GTF2H4: variants seen among roughly 807,000 people sequenced by gnomAD.
GTF2H4 encodes general transcription factor IIH subunit 4.
A neutral mutation model predicts 62.2 loss-of-function variants in GTF2H4; 49 were observed. The observed-to-expected ratio is 0.79, with a 90% confidence interval of 0.63 to 1.00. The LOEUF is 1.00. Ranked by LOEUF, GTF2H4 falls within the 50% of genes least tolerant of loss-of-function variation. GTF2H4 has a pLI of 0.00. For synonymous variants in GTF2H4, 189 were observed against 233.8 expected (o/e 0.81, Z 1.75); for missense variants, 479 against 587.8 (o/e 0.81, Z 1.91).
chr6:30,913,918 G>A lies in GTF2H4; in HGVS notation c.1324G>A (p.Val442Met). The change falls in exon 14 of 14, where the codon GTG becomes ATG. Residue 442 changes from valine to methionine, a missense_variant. Coordinates refer to ENST00000259895, the MANE Select transcript of GTF2H4 (RefSeq NM_001517.5). The surrounding 1 kb of genome is among the most constrained non-coding windows in gnomAD (Gnocchi z 4.2). The stretch of plus-strand genomic sequence containing the variant: ...CGAGAACTCGGCCAAGCGGCTCATG[G>A]TGGTGACCCCGGCCGGGCACAGCGA... ...VFENSAKRLM[V>M]VTPAGHSDVK... is the part of the protein sequence containing the mutation. 1 of 1,609,426 alleles carries A rather than the reference G, an allele frequency of 6.2e-7. No individual in the cohort carries two copies.
rs781109228 is a variant in GTF2H4 at position 30,910,816 on chromosome 6, T to C, written c.472-37T>C. The C allele has an allele frequency of 1.9e-6, 3 of 1,596,730 alleles. No homozygotes were observed. The East Asian group carries it at 6.7e-5, about 36-fold the overall frequency. On this transcript the variant is annotated intron_variant, in intron 5 of 13. Coordinates refer to ENST00000259895, the MANE Select transcript of GTF2H4 (RefSeq NM_001517.5). The surrounding 1 kb of genome is among the most constrained non-coding windows in gnomAD (Gnocchi z 4.7). ...CTTGTGCTTCTACTTCCCATGGCCC[T>C]TGGGGCATGGTCTCCCTGTTCTCTT...
Position 30,912,976 on chromosome 6 carries a change from G to T in GTF2H4, c.1090-134G>T. 1.3e-6 allele frequency: 1 copy of T among 783,792 alleles called. No individual in the cohort carries two copies. 48.6% of individuals were successfully genotyped at this position (783,792 alleles called of 1,614,324 possible). A position where few individuals can be genotyped will look rare whatever the true frequency, so the allele number is the denominator to read the frequency against. ...GCAACGTGGGATAACAGCTGAACTG[G>T]GATGGGTGGAGTTGATGACAGGAGT... On this transcript the variant is annotated intron_variant, in intron 11 of 13. Transcript: ENST00000259895. This position sits in a 1 kb window ranked among gnomAD's most constrained non-coding sequence, Gnocchi z 4.8.
In GTF2H4 at chr6:30,910,651, C is replaced by T. The variant is rs1470256425; in HGVS notation, c.375-14C>T. ...TGGCCAGGGTTCCTTACTCTTGGCC[C>T]ATCCTGGCCGTAGGGGGAAGGCCTG... On this transcript the variant is annotated splice_polypyrimidine_tract_variant and intron_variant, in intron 4 of 13. Transcript: ENST00000259895. This position sits in a 1 kb window ranked among gnomAD's most constrained non-coding sequence, Gnocchi z 4.7. The T allele has an allele frequency of 6.2e-7, 1 of 1,602,714 alleles. No individual in the cohort carries two copies. The highest frequency in any genetic ancestry group is 8.5e-7 in the Non-Finnish European group (1 of 1,170,866).
Position 30,910,155 on chromosome 6 carries a change from GC to G in GTF2H4, c.374+94del. On this transcript the variant is annotated intron_variant, in intron 4 of 13. Coordinates refer to ENST00000259895, the MANE Select transcript of GTF2H4 (RefSeq NM_001517.5). The surrounding 1 kb of genome is among the most constrained non-coding windows in gnomAD (Gnocchi z 4.7). ...ACTTTGGGAGGGGGAGCTCCTGGGG[GC>G]CTCCCCAGAACCTTGTGGTCTCCAC... 1 of 1,410,902 alleles carries G rather than the reference GC, an allele frequency of 7.1e-7. No individual in the cohort carries two copies. Among genetic ancestry groups the G allele is most frequent in the African/African-American group, 1.4e-5 (1 of 70,702 alleles). 87.4% of individuals were successfully genotyped at this position (1,410,902 alleles called of 1,614,324 possible).
rs1450126024 is a variant in GTF2H4, at chr6:30,912,223, C to T, written c.958+77C>T. The T allele has an allele frequency of 1.2e-6, 2 of 1,600,740 alleles. No homozygotes were observed. Among genetic ancestry groups the T allele is most frequent in the Non-Finnish European group, 1.7e-6 (2 of 1,172,090 alleles). The stretch of plus-strand genomic sequence containing the variant: ...CCAGTTTATGTTCGTGTTTACCTGG[C>T]AGTCTACAGAGCTCTCTGACATTTC... On this transcript the variant is annotated intron_variant, in intron 10 of 13. Transcript: ENST00000259895. This position sits in a 1 kb window ranked among gnomAD's most constrained non-coding sequence, Gnocchi z 4.8.
At position 30,912,599 on chromosome 6, in the gene GTF2H4, G is replaced by C. The variant is rs1793827986; in HGVS notation, c.1089+141G>C. The C allele has an allele frequency of 9.2e-7, 1 of 1,088,408 alleles. No individual in the cohort carries two copies. Among genetic ancestry groups the C allele is most frequent in the Non-Finnish European group, 1.3e-6 (1 of 761,892 alleles). 67.4% of individuals were successfully genotyped at this position (1,088,408 alleles called of 1,614,324 possible). On this transcript the variant is annotated intron_variant, in intron 11 of 13. Transcript: ENST00000259895. This position sits in a 1 kb window ranked among gnomAD's most constrained non-coding sequence, Gnocchi z 4.8. ...TGTCTGTGTTTGAAGAGAAATGAAG[G>C]CTTTGGGTGTGAGAATAGGTAGACC...
At position 30,910,384 on chromosome 6, in the gene GTF2H4, C is replaced by A. The variant is rs531882081; in HGVS notation, c.375-281C>A. Among the ~76,000 whole-genome samples the A allele has an allele frequency of 9.9e-5, 15 of 152,230 alleles. No individual in the cohort carries two copies. The South Asian group carries it at 3.1e-3, about 32-fold the overall frequency. ...TCACTCTGTCACCAAGGCCAGAGTGCAGTGGTGTAATCTTGACTCACGGCA... is the reference window on the plus strand; with the variant it reads ...TCACTCTGTCACCAAGGCCAGAGTGAAGTGGTGTAATCTTGACTCACGGCA... On this transcript the variant is annotated intron_variant, in intron 4 of 13. Transcript: ENST00000259895. This position sits in a 1 kb window ranked among gnomAD's most constrained non-coding sequence, Gnocchi z 4.7.
rs1204107818 is a variant in GTF2H4, at chr6:30,913,436, C to T, written c.1216+49C>T. ...TCTTGGTCATTGGCCAGAGAAAGGGCAGACAGTTCAGTCTGCATTTTATTT... is the reference window on the plus strand; with the variant it reads ...TCTTGGTCATTGGCCAGAGAAAGGGTAGACAGTTCAGTCTGCATTTTATTT... On this transcript the variant is annotated intron_variant, in intron 13 of 13. Transcript: ENST00000259895. This position sits in a 1 kb window ranked among gnomAD's most constrained non-coding sequence, Gnocchi z 4.2. The T allele has an allele frequency of 6.3e-7, 1 of 1,580,956 alleles. No homozygotes were observed. Among genetic ancestry groups the T allele is most frequent in the South Asian group, 1.1e-5 (1 of 88,448 alleles).
rs766134706 is a variant in GTF2H4, at chr6:30,912,003, A to C, written c.826-11A>C. 6.2e-7 allele frequency: 1 copy of C among 1,612,644 alleles called. No homozygotes were observed. Among genetic ancestry groups the C allele is most frequent in the Non-Finnish European group, 8.5e-7 (1 of 1,179,894 alleles). ...TCTGAGACAAGGCATCTGCCTTTCT[A>C]TTCTTTTCAGAGGAAATCTCGGCGT... On this transcript the variant is annotated splice_polypyrimidine_tract_variant and intron_variant, in intron 9 of 13. Transcript: ENST00000259895. The surrounding 1 kb of genome is among the most constrained non-coding windows in gnomAD (Gnocchi z 4.8).
rs1282340522 is a variant in GTF2H4, at chr6:30,909,349, A to G, written c.138-86A>G. On this transcript the variant is annotated intron_variant, in intron 2 of 13. Coordinates refer to ENST00000259895, the MANE Select transcript of GTF2H4 (RefSeq NM_001517.5). This position sits in a 1 kb window ranked among gnomAD's most constrained non-coding sequence, Gnocchi z 4.3. ...ACTGGTAAAGTTGTGCTGGAGTGAG[A>G]TGAGATGTTTGAGAGGTAATTGAGG... 4.9e-6 allele frequency: 6 copies of G among 1,231,246 alleles called. No homozygotes were observed. Among genetic ancestry groups the G allele is most frequent in the Non-Finnish European group, 7.1e-6 (6 of 850,688 alleles). 76.3% of individuals were successfully genotyped at this position (1,231,246 alleles called of 1,614,324 possible).
chr6:30,911,759 C>A lies in GTF2H4; in HGVS notation c.817C>A (p.Gln273Lys), dbSNP rs1249122565. The A allele has an allele frequency of 6.2e-7, 1 of 1,612,488 alleles. No homozygotes were observed. The highest frequency in any genetic ancestry group is 1.7e-5 in the Admixed American group (1 of 60,002). ...QHLREFGLVF[Q>K]RKRKSRRYYP... Reference sequence around the variant, plus strand: ...TCTGCGTGAGTTTGGGCTTGTTTTCCAGAGGAAGGTATGAGCGCCTAGATA... The same window carrying A: ...TCTGCGTGAGTTTGGGCTTGTTTTCAAGAGGAAGGTATGAGCGCCTAGATA... The change falls in exon 9 of 14, where the codon CAG becomes AAG. Residue 273 changes from glutamine (Q) to lysine (K), a missense_variant. Transcript: ENST00000259895. The surrounding 1 kb of genome is among the most constrained non-coding windows in gnomAD (Gnocchi z 4.3).
rs190234614 is a variant in GTF2H4, at chr6:30,910,486, C to T, written c.375-179C>T. 376 of 640,254 alleles carry T rather than the reference C, an allele frequency of 5.9e-4. 1 individual carries two copies. The East Asian group carries it at 7.5e-3, about 13-fold the overall frequency. 39.7% of individuals were successfully genotyped at this position (640,254 alleles called of 1,614,324 possible). A position where few individuals can be genotyped will look rare whatever the true frequency, so the allele number is the denominator to read the frequency against. ...CTGGGATTACAGGCACCCACCACGACGCCAGGCTAATTTTTTGTATTTTTA... is the reference window on the plus strand; with the variant it reads ...CTGGGATTACAGGCACCCACCACGATGCCAGGCTAATTTTTTGTATTTTTA... On this transcript the variant is annotated intron_variant, in intron 4 of 13. Coordinates refer to ENST00000259895, the MANE Select transcript of GTF2H4 (RefSeq NM_001517.5). The surrounding 1 kb of genome is among the most constrained non-coding windows in gnomAD (Gnocchi z 4.7).
Position 30,909,522 on chromosome 6 carries a change from A to G in GTF2H4, c.225A>G (p.Val75=). Residue 75 remains valine (V), a synonymous_variant, in exon 3 of 14, where the codon GTA becomes GTG. Transcript: ENST00000259895. The surrounding 1 kb of genome is among the most constrained non-coding windows in gnomAD (Gnocchi z 4.3). The part of the protein sequence containing the change: ...PLPQAAVALW[V]KKEFSKAQEE... ...CACAGGCTGCTGTAGCTCTGTGGGT[A>G]AAGAAGGAATTCAGCAAGTAAGTCT... 1 of 1,607,144 alleles carries G rather than the reference A, an allele frequency of 6.2e-7. No homozygotes were observed. Among genetic ancestry groups the G allele is most frequent in the Non-Finnish European group, 8.5e-7 (1 of 1,174,684 alleles).
At position 30,910,913 on chromosome 6, in the gene GTF2H4, C is replaced by G. The variant is rs758661064; in HGVS notation, c.532C>G (p.Leu178Val). 1 of 1,610,882 alleles carries G rather than the reference C, an allele frequency of 6.2e-7. No individual in the cohort carries two copies. Among genetic ancestry groups the G allele is most frequent in the South Asian group, 1.1e-5 (1 of 90,714 alleles). Residue 178 changes from leucine (L) to valine (V), a missense_variant, in exon 6 of 14, where the codon CTC becomes GTC. Transcript: ENST00000259895. The surrounding 1 kb of genome is among the most constrained non-coding windows in gnomAD (Gnocchi z 4.7). ...SAAVSQDLAQ[L>V]LSQAGLMKST... ...AGCTGTCAGCCAGGACTTGGCTCAGCTCCTCAGCCAGGCTGGGCTCATGAA... is the reference window on the plus strand; with the variant it reads ...AGCTGTCAGCCAGGACTTGGCTCAGGTCCTCAGCCAGGCTGGGCTCATGAA...
chr6:30,909,057 G>A lies in GTF2H4; in HGVS notation c.21G>A (p.Arg7=), dbSNP rs373085246. 12 of 1,614,034 alleles carry A rather than the reference G, an allele frequency of 7.4e-6. No homozygotes were observed. The African/African-American group carries it at 1.1e-4, about 14-fold the overall frequency. The change falls in exon 2 of 14, where the codon AGG becomes AGA. Residue 7 remains arginine (R), a synonymous_variant. Coordinates refer to ENST00000259895, the MANE Select transcript of GTF2H4 (RefSeq NM_001517.5). The surrounding 1 kb of genome is among the most constrained non-coding windows in gnomAD (Gnocchi z 4.3). ...AGGTGATGGAGAGCACCCCTTCAAG[G>A]GGACTGAACCGAGTACACCTACAAT... MESTPS[R]GLNRVHLQCR...
chr6:30,910,579 T>C lies in GTF2H4; in HGVS notation c.375-86T>C, dbSNP rs1316244142. On this transcript the variant is annotated intron_variant, in intron 4 of 13. Transcript: ENST00000259895. This position sits in a 1 kb window ranked among gnomAD's most constrained non-coding sequence, Gnocchi z 4.7. ...CTCCTGACCTCAAGTGATCCGCCCA[T>C]CTCGGCCTCCCAAAGTACAGGGATT... is the stretch of plus-strand genomic sequence containing the variant. The C allele has an allele frequency of 5.3e-6, 5 of 943,540 alleles. No individual in the cohort carries two copies. The African/African-American group carries it at 8.1e-5, about 15-fold the overall frequency. 58.4% of individuals were successfully genotyped at this position (943,540 alleles called of 1,614,324 possible). A position where few individuals can be genotyped will look rare whatever the true frequency, so the allele number is the denominator to read the frequency against.
Position 30,911,620 on chromosome 6 carries a change from A to AT in GTF2H4, c.742-63dup, listed in dbSNP as rs1321141498. Reference sequence around the variant, plus strand: ...ACAGAGATGGAGAAAGAAAGAATGAATGTATGGGGTTGGGGGTGGGTGGGT... The same window carrying AT: ...ACAGAGATGGAGAAAGAAAGAATGAATTGTATGGGGTTGGGGGTGGGTGGGT... On this transcript the variant is annotated intron_variant, in intron 8 of 13. Coordinates refer to ENST00000259895, the MANE Select transcript of GTF2H4 (RefSeq NM_001517.5). This position sits in a 1 kb window ranked among gnomAD's most constrained non-coding sequence, Gnocchi z 4.3. 3 of 669,580 alleles carry AT rather than the reference A, an allele frequency of 4.5e-6. No individual in the cohort carries two copies. The highest frequency in any genetic ancestry group is 4.1e-5 in the Admixed American group (2 of 48,680). 41.5% of individuals were successfully genotyped at this position (669,580 alleles called of 1,614,324 possible).
chr6:30,912,511 G>A lies in GTF2H4; in HGVS notation c.1089+53G>A, dbSNP rs542104321. 36 of 1,602,396 alleles carry A rather than the reference G, an allele frequency of 2.2e-5. No individual in the cohort carries two copies. The highest frequency in any genetic ancestry group is 2.2e-4 in the Admixed American group (13 of 59,926). ...GGAAGACAGGCTGCACTTGGGCTGC[G>A]GGGGACAGGGGTCACATTATGGAAG... On this transcript the variant is annotated intron_variant, in intron 11 of 13. Coordinates refer to ENST00000259895, the MANE Select transcript of GTF2H4 (RefSeq NM_001517.5). The surrounding 1 kb of genome is among the most constrained non-coding windows in gnomAD (Gnocchi z 4.8).
chr6:30,909,500 A>G lies in GTF2H4; in HGVS notation c.203A>G (p.Gln68Arg). The change falls in exon 3 of 14, where the codon CAG becomes CGG. Residue 68 changes from glutamine (Q) to arginine (R), a missense_variant. Physicochemically the swap from Gln to Arg is conservative, Grantham distance 43. Transcript: ENST00000259895. The surrounding 1 kb of genome is among the most constrained non-coding windows in gnomAD (Gnocchi z 4.3). The part of the protein sequence containing the change: ...RMLFLEQPLP[Q>R]AAVALWVKKE... ...CTCTTTCTGGAGCAGCCTTTGCCAC[A>G]GGCTGCTGTAGCTCTGTGGGTAAAG... is the stretch of plus-strand genomic sequence containing the variant. The G allele has an allele frequency of 6.2e-7, 1 of 1,612,452 alleles. No individual in the cohort carries two copies. Among genetic ancestry groups the G allele is most frequent in the Non-Finnish European group, 8.5e-7 (1 of 1,179,464 alleles).
Sources: gnomAD v4.1 joint callset for allele counts (sites outside exome capture counted in the v4.1 genomes callset) on GRCh38, gnomAD v4.1.1 for gene constraint, Gnocchi (gnomAD v3.1) non-coding constraint, MANE v1.5 for transcripts, NCBI Gene and HGNC (gene_info 2026-07-23, HGNC 2026-07-21) for gene names.